The following TMEM181 variants were observed in gnomAD, a reference collection of about 807,000 sequenced individuals.
TMEM181 encodes the protein G protein-coupled receptor 178.
TMEM181 carries 39 observed loss-of-function variants against 71.9 expected under a neutral mutation model. That is an observed-to-expected ratio of 0.54 (90% CI 0.42 to 0.71). TMEM181 has a LOEUF of 0.71. Among genes scored for constraint, TMEM181 ranks in the 30% least tolerant of loss-of-function variants. The pLI, the probability that TMEM181 is intolerant of heterozygous loss-of-function variation, is 0.00. For missense variants in TMEM181, 595 were observed against 583.0 expected (o/e 1.02, Z -0.21); for synonymous variants, 245 against 228.8 (o/e 1.07, Z -0.64).
upstream of TMEM181, chr6:158,559,969 C>T: frequency 2.4e-6 from 2 of 836,142 alleles, no homozygotes; most frequent in Non-Finnish European, 2.9e-6. Context: ...CGCCCCGGCA[C>T]GGGGCCACGA....
intron 6 of TMEM181, among the ~76,000 whole-genome samples, chr6:158,595,803 G>C (rs192715319): frequency 2.0e-4 from 30 of 152,288 alleles, no homozygotes; most frequent in African/African-American, 4.6e-4. Flanking sequence ...AGCATCAAGC[G>C]GGGGGCTTCT....
upstream of TMEM181, among the ~76,000 whole-genome samples, chr6:158,558,800 A>C (rs555660609): frequency 7.9e-5 from 12 of 152,276 alleles, no homozygotes; most frequent in Non-Finnish European, 1.6e-4. Context: ...GCGGTGGCTC[A>C]CGTCTGTAAT....
rs922497750 is a variant in TMEM181, at chr6:158,560,127, G to C, written c.-98G>C. The C allele has an allele frequency of 1.0e-6, 1 of 984,702 alleles. No homozygotes were observed. Among genetic ancestry groups the C allele is most frequent in the Non-Finnish European group, 1.2e-6 (1 of 829,692 alleles). The allele number at this position is 984,702 out of a possible 1,614,324, so 61.0% of individuals were successfully genotyped here. ...GGCCGGCCGCTGCTCAGCCGCTGTCGCTCCGGCTCCGGCTGCGGCTGCCGC... is the reference window on the plus strand; with the variant it reads ...GGCCGGCCGCTGCTCAGCCGCTGTCCCTCCGGCTCCGGCTGCGGCTGCCGC... On this transcript the variant is annotated 5_prime_UTR_variant, in exon 1 of 17. Transcript: ENST00000684151.
At position 158,583,959 on chromosome 6, in the gene TMEM181, G is replaced by T; in HGVS notation, c.174G>T (p.Lys58Asn). The T allele has an allele frequency of 6.2e-7, 1 of 1,602,402 alleles. No homozygotes were observed. The change falls in exon 4 of 17, where the codon AAG becomes AAT. Residue 58 changes from lysine to asparagine, a missense_variant. Transcript: ENST00000684151. ...NFSLNNSKKL[K>N]PIQILSNPLS... The stretch of plus-strand genomic sequence containing the variant: ...CTTTGTTTTTTTTTCTTCAGCTAAA[G>T]CCAATTCAAATACTTTCAAATCCAC...
At position 158,631,893 on chromosome 6, in the gene TMEM181, C is replaced by A; in HGVS notation, c.*5C>A. On this transcript the variant is annotated 3_prime_UTR_variant, in exon 17 of 17. Transcript: ENST00000684151. ...GAGGAGTCAGATAGTGACTGAGCCC[C>A]GGCCAGCCCAGCGAGGCGACAAGAT... is the stretch of plus-strand genomic sequence containing the variant. 1 of 1,583,586 alleles carries A rather than the reference C, an allele frequency of 6.3e-7. No homozygotes were observed. Among genetic ancestry groups the A allele is most frequent in the East Asian group, 2.3e-5 (1 of 43,326 alleles).
chr6:158,594,127 C>T, intron 6 of TMEM181, among the ~76,000 whole-genome samples: 1 of 125,752 alleles, frequency 8.0e-6, no homozygotes, highest in Non-Finnish European at 1.6e-5. Context: ...TTTTCTGAGA[C>T]AGAGTCTGTT....
In TMEM181 at chr6:158,635,205, CTG is replaced by C. The variant is rs1562321248; in HGVS notation, c.*3319_*3320del. 1 of 152,170 alleles carries C rather than the reference CTG, an allele frequency of 6.6e-6. No homozygotes were observed. The highest frequency in any genetic ancestry group is 1.5e-5 in the Non-Finnish European group (1 of 68,026). 9.4% of individuals were successfully genotyped at this position (152,170 alleles called of 1,614,324 possible). A position where few individuals can be genotyped will look rare whatever the true frequency, so the allele number is the denominator to read the frequency against. On this transcript the variant is annotated 3_prime_UTR_variant, in exon 17 of 17. Transcript: ENST00000684151. ...TAAAAACTGCCTTTTTACAAAATGA[CTG>C]TAAATATTTGTAAAATAAAATAACA...
At chr6:158,606,810 G>A (rs189689652) in intron 7 of TMEM181, among the ~76,000 whole-genome samples, 2 of 152,300 alleles carry the variant, frequency 1.3e-5, no homozygotes, top group South Asian at 2.1e-4. Context: ...TAGCAGTTGC[G>A]CTGCCGGGAA....
intron 6 of TMEM181, among the ~76,000 whole-genome samples, chr6:158,599,061 G>A (rs1339115840): frequency 2.6e-5 from 4 of 152,190 alleles, no homozygotes; most frequent in Non-Finnish European, 4.4e-5. Flanking sequence ...GCTGTGACAC[G>A]TCCCTCCCGC....
chr6:158,539,153 C>T (rs942249530), intron 1 of TMEM181, among the ~76,000 whole-genome samples: 4 of 152,138 alleles, frequency 2.6e-5, no homozygotes, highest in Admixed American at 6.6e-5. Context: ...AGATTCACAG[C>T]GGTTGGAAGT....
intron 10 of TMEM181, among the ~76,000 whole-genome samples, chr6:158,612,335 C>T (rs143936941): frequency 3.5e-3 from 537 of 152,228 alleles, no homozygotes; most frequent in African/African-American, 0.012. Flanking sequence ...GGACCAGGGG[C>T]GACGTGTTCT....
chr6:158,538,350 T>G (rs1391170750), intron 1 of TMEM181, among the ~76,000 whole-genome samples: 1 of 151,976 alleles, frequency 6.6e-6, no homozygotes, highest in Non-Finnish European at 1.5e-5. Flanking sequence ...AGATGGAATT[T>G]CCCTGTCTTG....
chr6:158,596,786 A>C (rs923314004), intron 6 of TMEM181, among the ~76,000 whole-genome samples: 2 of 152,184 alleles, frequency 1.3e-5, no homozygotes, highest in African/African-American at 4.8e-5. Flanking sequence ...ATGAGGAAGA[A>C]GCAAAAGTGG....
exon 1 of TMEM181, chr6:158,536,652 C>G (rs775075263): frequency 1.7e-5 from 25 of 1,486,898 alleles, no homozygotes; most frequent in Non-Finnish European, 2.2e-5. Context: ...CAGCCCGATC[C>G]CCAGTGCTGG....
chr6:158,594,155 G>T (rs1184886225), intron 6 of TMEM181, among the ~76,000 whole-genome samples: 1 of 143,408 alleles, frequency 7.0e-6, no homozygotes, highest in East Asian at 2.1e-4. Context: ...CTGGAGTGCA[G>T]TGGTGAGATC....
At chr6:158,605,126 AAAAAAGTGTGT>A in intron 6 of TMEM181, 130 bp from the exon 7 acceptor site, 1 of 477,102 alleles carries the variant, frequency 2.1e-6, no homozygotes, top group Non-Finnish European at 3.4e-6. Flanking sequence ...AAAAAAAAAA[AAAAAAGTGTGT>A]GTGTGTGTGT....
chr6:158,601,135 T>C (rs1485355058), intron 6 of TMEM181, among the ~76,000 whole-genome samples: 1 of 152,256 alleles, frequency 6.6e-6, no homozygotes, highest in Admixed American at 6.5e-5. Flanking sequence ...ATTTAAATGC[T>C]GTAGCAATAA....
chr6:158,553,677 A>G (rs1053685220), intron 1 of TMEM181, among the ~76,000 whole-genome samples: 2 of 152,390 alleles, frequency 1.3e-5, no homozygotes, highest in Non-Finnish European at 2.9e-5. Context: ...GCAACAGTAT[A>G]TTAATATGTT....
chr6:158,585,202 AG>A, intron 4 of TMEM181, 101 bp from the exon 5 acceptor site: 1 of 1,313,566 alleles, frequency 7.6e-7, no homozygotes, highest in Non-Finnish European at 1.0e-6. Context: ...AAGGACCTTA[AG>A]CGTTTTCCTG....
Sources: gnomAD v4.1 joint callset for allele counts (sites outside exome capture counted in the v4.1 genomes callset) on GRCh38, gnomAD v4.1.1 for gene constraint, MANE v1.5 for transcripts, NCBI Gene and HGNC (gene_info 2026-07-23, HGNC 2026-07-21) for gene names.